CTNNA2: variants seen among roughly 807,000 people sequenced by gnomAD.
CTNNA2 encodes catenin alpha-2.
Under a neutral mutation model 101.0 loss-of-function variants are expected in CTNNA2, and 42 were observed. The observed-to-expected ratio is 0.42, with a 90% confidence interval of 0.32 to 0.54. The LOEUF (loss-of-function observed/expected upper bound fraction) is 0.54, where lower values mean the gene tolerates loss of function less well. CTNNA2 is among the 20% of genes least tolerant of loss of function. CTNNA2 has a pLI of 0.14. For missense variants in CTNNA2, 871 were observed against 1,223.1 expected (o/e 0.71, Z 4.29); for synonymous variants, 450 against 456.4 (o/e 0.99, Z 0.18).
intron 4 of CTNNA2, among the ~76,000 whole-genome samples, chr2:79,503,458 C>A (rs1671347651): frequency 6.6e-6 from 1 of 152,098 alleles, no homozygotes; most frequent in Non-Finnish European, 1.5e-5. Context: ...GAACTTATTA[C>A]AAAGCAAAAG....
chr2:80,609,711 T>G (rs886628120), intron 17 of CTNNA2, among the ~76,000 whole-genome samples: 3 of 151,736 alleles, frequency 2.0e-5, no homozygotes, highest in Admixed American at 6.6e-5. Flanking sequence ...TGGAACTGAG[T>G]GCTTTTTGTT....
chr2:79,878,172 T>G lies in CTNNA2; in HGVS notation c.852+3830T>G, dbSNP rs186211579. On this transcript the variant is annotated intron_variant, in intron 6 of 18. Coordinates refer to ENST00000402739, the MANE Select transcript of CTNNA2 (RefSeq NM_001282597.3). ...TATTCCTTCTTATGGCTGCATAGTA[T>G]TCCATGGTGTATATGTAGCACATTT... Among the ~76,000 whole-genome samples the G allele has an allele frequency of 3.5e-3, 531 of 152,328 alleles. 9 individuals carry two copies. Among genetic ancestry groups the G allele is most frequent in the Admixed American group, 0.029 (441 of 15,300 alleles).
intron 3 of CTNNA2, among the ~76,000 whole-genome samples, chr2:79,787,362 A>G (rs1420087120): frequency 6.6e-6 from 1 of 151,866 alleles, no homozygotes; most frequent in Non-Finnish European, 1.5e-5. Flanking sequence ...GTTAGCTGAG[A>G]CTTTTTGTAA....
chr2:80,557,824 T>C (rs1430234334), intron 12 of CTNNA2, among the ~76,000 whole-genome samples: 2 of 152,192 alleles, frequency 1.3e-5, no homozygotes, highest in African/African-American at 4.8e-5. Flanking sequence ...AGTCTTGATA[T>C]GTAAATAATG....
At chr2:79,985,544 A>G (rs1258435690) in intron 7 of CTNNA2, among the ~76,000 whole-genome samples, 1 of 152,198 alleles carries the variant, frequency 6.6e-6, no homozygotes, top group Non-Finnish European at 1.5e-5. Context: ...TGGACAGACA[A>G]TAAGTAAGGT....
chr2:80,107,156 A>G (rs762492749), intron 7 of CTNNA2, among the ~76,000 whole-genome samples: 34 of 152,144 alleles, frequency 2.2e-4, no homozygotes, highest in Admixed American at 7.2e-4. Context: ...CGTGAAACCC[A>G]TGGCCCAAAG....
chr2:79,895,556 A>G (rs1684646560), intron 6 of CTNNA2, among the ~76,000 whole-genome samples: 1 of 152,154 alleles, frequency 6.6e-6, no homozygotes, highest in Non-Finnish European at 1.5e-5. Context: ...ATCTCAAACC[A>G]CCGACATAGA....
intron 1 of CTNNA2, among the ~76,000 whole-genome samples, chr2:79,192,433 A>C (rs1265953320): frequency 6.6e-6 from 1 of 152,182 alleles, no homozygotes; most frequent in Non-Finnish European, 1.5e-5. Flanking sequence ...GTTAAACTAC[A>C]TCAGGCCATG....
chr2:80,220,464 G>A (rs1708512737), intron 7 of CTNNA2, among the ~76,000 whole-genome samples: 4 of 152,344 alleles, frequency 2.6e-5, no homozygotes, highest in South Asian at 2.1e-4. Flanking sequence ...GCTCATGCCT[G>A]TAATCCTAGC....
chr2:79,488,116 C>T (rs923879832), intron 4 of CTNNA2, among the ~76,000 whole-genome samples: 8 of 151,856 alleles, frequency 5.3e-5, no homozygotes, highest in Admixed American at 2.6e-4. Context: ...GTTGGGAGTT[C>T]GAGACCAGCC....
rs192996265 is a variant in CTNNA2 at position 80,249,133 on chromosome 2, A to G, written c.1057-144078A>G. Among the ~76,000 whole-genome samples, 491 of 152,286 alleles carry G rather than the reference A, an allele frequency of 3.2e-3. 5 individuals carry two copies. The highest frequency in any genetic ancestry group is 3.4e-3 in the Middle Eastern group (1 of 294). On this transcript the variant is annotated intron_variant, in intron 7 of 18. Transcript: ENST00000402739. ...ATTTCCACAGCATGCTTTTATTTCT[A>G]CAGAGAGTAACCTGGAAGGCAAGGC...
chr2:80,117,785 A>G (rs890782643), intron 7 of CTNNA2, among the ~76,000 whole-genome samples: 4 of 152,182 alleles, frequency 2.6e-5, no homozygotes, highest in Non-Finnish European at 4.4e-5. Flanking sequence ...CAAAATGTTC[A>G]AATAAGACCT....
intron 1 of CTNNA2, among the ~76,000 whole-genome samples, chr2:79,582,622 T>C (rs1676217295): frequency 6.6e-6 from 1 of 152,176 alleles, no homozygotes. Flanking sequence ...GATTCTTTTC[T>C]AATTTGTTTT....
At chr2:79,854,351 T>G (rs1249630312) in intron 3 of CTNNA2, among the ~76,000 whole-genome samples, 1 of 152,218 alleles carries the variant, frequency 6.6e-6, no homozygotes, top group Admixed American at 6.5e-5. Context: ...TAAGGCCCCA[T>G]GTTGGGTGCT....
intron 9 of CTNNA2, among the ~76,000 whole-genome samples, chr2:80,502,302 T>G (rs1409759437): frequency 6.6e-6 from 1 of 152,154 alleles, no homozygotes; most frequent in Non-Finnish European, 1.5e-5. Context: ...ATAATGGGAT[T>G]TAACCTAATT....
intron 4 of CTNNA2, among the ~76,000 whole-genome samples, chr2:79,869,346 T>C (rs1452373540): frequency 1.3e-5 from 2 of 152,218 alleles, no homozygotes; most frequent in African/African-American, 2.4e-5. Flanking sequence ...ATCCCTTTAG[T>C]CCCGGTGCTA....
chr2:80,206,164 G>A (rs920591987), intron 7 of CTNNA2, among the ~76,000 whole-genome samples: 7 of 151,962 alleles, frequency 4.6e-5, no homozygotes, highest in Non-Finnish European at 8.8e-5. Context: ...TTTGTCTCAC[G>A]GCATTACAGA....
At chr2:79,356,081 TG>T (rs1444026163) in intron 3 of CTNNA2, among the ~76,000 whole-genome samples, 2 of 151,390 alleles carry the variant, frequency 1.3e-5, no homozygotes, top group Non-Finnish European at 2.9e-5. Flanking sequence ...AATATAAATA[TG>T]GAAATATATA....
At chr2:80,020,700 G>C (rs1474815486) in intron 7 of CTNNA2, among the ~76,000 whole-genome samples, 2 of 152,098 alleles carry the variant, frequency 1.3e-5, no homozygotes, top group East Asian at 3.8e-4. Context: ...GGTTTCTTGT[G>C]TTCTCGTCTT....
Sources: gnomAD v4.1 joint callset for allele counts (sites outside exome capture counted in the v4.1 genomes callset) on GRCh38, gnomAD v4.1.1 for gene constraint, MANE v1.5 for transcripts, NCBI Gene and HGNC (gene_info 2026-07-23, HGNC 2026-07-21) for gene names.